The following PAK1 variants were observed in gnomAD, a reference collection of about 807,000 sequenced individuals.
PAK1 encodes p21 (RAC1) activated kinase 1.
PAK1 carries 29 observed loss-of-function variants against 67.4 expected under a neutral mutation model. That is an observed-to-expected ratio of 0.43 (90% confidence interval 0.32 to 0.59). PAK1 has a LOEUF of 0.59. Ranked by LOEUF, PAK1 falls within the 20% of genes least tolerant of loss-of-function variation. The probability of loss-of-function intolerance (pLI) is 0.07; values close to 1 mark genes in which losing one functional copy is unlikely to be tolerated. For synonymous variants in PAK1, 223 were observed against 237.4 expected (o/e 0.94, Z 0.56); for missense variants, 337 against 670.7 (o/e 0.50, Z 5.50).
At chr11:77,377,473 A>G (rs1039511092) in intron 4 of PAK1, among the ~76,000 whole-genome samples, 6 of 152,196 alleles carry the variant, frequency 3.9e-5, no homozygotes, top group Admixed American at 1.3e-4. Context: ...TATACATACA[A>G]AAGTAGATGT....
chr11:77,503,268 C>T, the PAK1 span, among the ~76,000 whole-genome samples: 2 of 152,150 alleles, frequency 1.3e-5, no homozygotes, highest in Non-Finnish European at 2.9e-5. Flanking sequence ...TGGGAGCCTC[C>T]GAGAGACAGA....
At chr11:77,428,987 C>T (rs967066644) in intron 1 of PAK1, among the ~76,000 whole-genome samples, 1 of 140,758 alleles carries the variant, frequency 7.1e-6, no homozygotes, top group Non-Finnish European at 1.5e-5. Flanking sequence ...GGCCTGGGAG[C>T]AGCAATGGTC....
chr11:77,336,243 C>T lies in PAK1; in HGVS notation c.1256G>A (p.Ser419Asn), dbSNP rs1942663350. 6.2e-7 allele frequency: 1 copy of T among 1,614,028 alleles called. No homozygotes were observed. Among genetic ancestry groups the T allele is most frequent in the East Asian group, 2.2e-5 (1 of 44,884 alleles). Residue 419 changes from serine to asparagine, a missense_variant, in exon 13 of 15, where the codon AGC (serine) becomes AAC (asparagine). Around this residue, in one of 8 missense-constraint regions of PAK1, gnomAD observed 71 missense variants for 160.5 expected, o/e 0.44. Coordinates refer to ENST00000356341, the MANE Select transcript of PAK1 (RefSeq NM_002576.5). ...GFCAQITPEQSKRSTMVGTPY... is the reference protein window; with the variant it reads ...GFCAQITPEQNKRSTMVGTPY... ...GGTTCCTACCATGGTGCTCCGTTTG[C>T]TCTGCTCTGGGGTTATCTGTGCACA...
the PAK1 span, among the ~76,000 whole-genome samples, chr11:77,526,889 C>A: frequency 6.7e-6 from 1 of 150,080 alleles, no homozygotes; most frequent in Non-Finnish European, 1.5e-5. Flanking sequence ...GCAGTCCAGC[C>A]TAGGCGACAG....
intron 1 of PAK1, among the ~76,000 whole-genome samples, chr11:77,435,812 T>C (rs1375265920): frequency 6.6e-6 from 1 of 152,058 alleles, no homozygotes; most frequent in Non-Finnish European, 1.5e-5. Flanking sequence ...CCGGCCCACA[T>C]ATTTTCTCTT....
chr11:77,470,093 T>C (rs1214680088), intron 1 of PAK1, among the ~76,000 whole-genome samples: 2 of 152,220 alleles, frequency 1.3e-5, no homozygotes, highest in African/African-American at 4.8e-5. Flanking sequence ...TCTCCCACTT[T>C]CTGGTTATTA....
chr11:77,337,381 G>C lies in PAK1; in HGVS notation c.1159C>G (p.His387Asp). Residue 387 changes from histidine to aspartate, a missense_variant, in exon 12 of 15, where the codon CAC becomes GAC. His to Asp is a moderately conservative substitution (Grantham distance 81, BLOSUM62 -1). Around this residue, in one of 8 missense-constraint regions of PAK1, gnomAD observed 25 missense variants for 47.6 expected, o/e 0.53. Transcript: ENST00000356341. Reference sequence around the variant, plus strand: ...ATATTGTCACTCTTGATGTCTCTGTGAATGACCTGGTTCGAATGCAAGAAC... The same window carrying C: ...ATATTGTCACTCTTGATGTCTCTGTCAATGACCTGGTTCGAATGCAAGAAC... ...LEFLHSNQVI[H>D]RDIKSDNILL... 1 of 1,611,970 alleles carries C rather than the reference G, an allele frequency of 6.2e-7. No homozygotes were observed. Among genetic ancestry groups the C allele is most frequent in the Non-Finnish European group, 8.5e-7 (1 of 1,178,258 alleles).
intron 10 of PAK1, among the ~76,000 whole-genome samples, chr11:77,342,093 G>A (rs551577699): frequency 6.6e-5 from 10 of 152,314 alleles, no homozygotes; most frequent in East Asian, 3.9e-4. Context: ...TACATCATGA[G>A]GGTTCTGCCC....
chr11:77,481,673 C>CAAAAAAAAAAAAA, the PAK1 span, among the ~76,000 whole-genome samples: 6 of 94,426 alleles, frequency 6.4e-5, no homozygotes, highest in African/African-American at 2.0e-4. Flanking sequence ...GACTCCATCT[C>CAAAAAAAAAAAAA]AAAAAAAAAA....
the PAK1 span, among the ~76,000 whole-genome samples, chr11:77,499,537 A>G: frequency 6.6e-6 from 1 of 152,030 alleles, no homozygotes; most frequent in Admixed American, 6.5e-5. Flanking sequence ...GTTCCTACTC[A>G]TCCTTCTAGA....
At chr11:77,447,781 C>G (rs987337345) in intron 1 of PAK1, among the ~76,000 whole-genome samples, 1 of 152,206 alleles carries the variant, frequency 6.6e-6, no homozygotes, top group Admixed American at 6.5e-5. Flanking sequence ...CCACCTCAGC[C>G]TCCCAAAGTG....
intron 1 of PAK1, among the ~76,000 whole-genome samples, chr11:77,413,132 A>G (rs533792947): frequency 6.6e-6 from 1 of 152,308 alleles, no homozygotes; most frequent in East Asian, 1.9e-4. Flanking sequence ...TCGGGTCATA[A>G]TTAGGAGTTA....
chr11:77,458,696 G>T (rs1957185644), intron 1 of PAK1, among the ~76,000 whole-genome samples: 1 of 152,100 alleles, frequency 6.6e-6, no homozygotes. Context: ...TTTGAGTGGG[G>T]GCTAATTTTA....
chr11:77,327,007 T>C (rs1003919275), intron 14 of PAK1, among the ~76,000 whole-genome samples: 2 of 152,160 alleles, frequency 1.3e-5, no homozygotes, highest in Non-Finnish European at 2.9e-5. Flanking sequence ...CAGGAGCCGA[T>C]GCGATCAACT....
At chr11:77,384,423 G>A (rs1162948091) in intron 2 of PAK1, among the ~76,000 whole-genome samples, 1 of 152,212 alleles carries the variant, frequency 6.6e-6, no homozygotes, top group Non-Finnish European at 1.5e-5. Flanking sequence ...GCAGGAATCT[G>A]ATGAAAACTT....
rs541287200 is a variant in PAK1 at position 77,469,808 on chromosome 11, T to G, written c.-22+3744A>C. Among the ~76,000 whole-genome samples the G allele has an allele frequency of 2.6e-5, 4 of 151,736 alleles. No individual in the cohort carries two copies. The East Asian group carries it at 7.7e-4, about 29-fold the overall frequency. On this transcript the variant is annotated intron_variant, in intron 1 of 14. Transcript: ENST00000356341. Reference sequence around the variant, plus strand: ...GAATATACTGACTATTAATTTTGAATCAATGCATTTTTCCTTTTATTTTTA... The same window carrying G: ...GAATATACTGACTATTAATTTTGAAGCAATGCATTTTTCCTTTTATTTTTA...
chr11:77,457,882 A>G (rs1957150579), intron 1 of PAK1, among the ~76,000 whole-genome samples: 2 of 152,222 alleles, frequency 1.3e-5, no homozygotes, highest in Admixed American at 1.3e-4. Flanking sequence ...TACCTGCTGT[A>G]TAAGCTCTGT....
chr11:77,477,285 T>C (rs1481276165), upstream of PAK1, among the ~76,000 whole-genome samples: 1 of 152,192 alleles, frequency 6.6e-6, no homozygotes, highest in Non-Finnish European at 1.5e-5. Flanking sequence ...AATTTTACCA[T>C]AGGCTGGCTA....
the PAK1 span, among the ~76,000 whole-genome samples, chr11:77,514,034 C>T: frequency 6.6e-6 from 1 of 152,112 alleles, no homozygotes; most frequent in Non-Finnish European, 1.5e-5. Context: ...ATATAACTTT[C>T]CCAAGGTCAA....
Sources: gnomAD v4.1 joint callset for allele counts (sites outside exome capture counted in the v4.1 genomes callset) on GRCh38, gnomAD v4.1.1 for gene constraint, gnomAD v4.1.1 regional missense constraint, MANE v1.5 for transcripts, NCBI Gene and HGNC (gene_info 2026-07-23, HGNC 2026-07-21) for gene names.